Variants in RAD51B observed in about 807,000 individuals in gnomAD.
RAD51B encodes the protein DNA repair protein RAD51 homolog 2.
In RAD51B, 38 loss-of-function variants were observed where a neutral mutation model predicts 42.2. The ratio of observed to expected loss-of-function variants is 0.90; its 90% CI spans 0.70 to 1.18. RAD51B has a LOEUF of 1.18. Ranked by LOEUF, RAD51B falls within the 50% of genes most tolerant of loss-of-function variation. The pLI is 0.00. For missense variants in RAD51B, 373 were observed against 400.7 expected, an observed-to-expected ratio of 0.93 and a Z score of 0.59; for synonymous variants, 154 against 145.2, an observed-to-expected ratio of 1.06 and a Z score of -0.43.
At chr14:68,155,331 A>G (rs1299977740) in intron 7 of RAD51B, among the ~76,000 whole-genome samples, 1 of 151,830 alleles carries the variant, frequency 6.6e-6, no homozygotes, top group Admixed American at 6.6e-5. Flanking sequence ...AGCTGGGACT[A>G]CAGGTGCCCG....
intron 8 of RAD51B, among the ~76,000 whole-genome samples, chr14:68,389,640 A>T (rs1448036847): frequency 1.3e-5 from 2 of 152,224 alleles, no homozygotes; most frequent in African/African-American, 4.8e-5. Context: ...GATATATCAG[A>T]TCTACCAATG....
chr14:67,828,316 T>C (rs1304059475), intron 3 of RAD51B, among the ~76,000 whole-genome samples: 1 of 152,164 alleles, frequency 6.6e-6, no homozygotes, highest in Non-Finnish European at 1.5e-5. Context: ...TTCATGTTCT[T>C]AGCCCACTTT....
chr14:68,592,253 A>ATG (rs55833641), intron 10 of RAD51B, among the ~76,000 whole-genome samples: 8,119 of 139,822 alleles, frequency 0.058, 340 homozygotes, highest in African/African-American at 0.14. Context: ...GTAGGCAATG[A>ATG]TGTGTGTGTG....
At chr14:67,947,298 G>A (rs1157341825) in intron 7 of RAD51B, among the ~76,000 whole-genome samples, 2 of 152,164 alleles carry the variant, frequency 1.3e-5, no homozygotes, top group South Asian at 2.1e-4. Flanking sequence ...AGATTATTCC[G>A]GGGGTTAGGA....
At chr14:68,163,459 T>C (rs2078686212) in intron 7 of RAD51B, among the ~76,000 whole-genome samples, 1 of 152,216 alleles carries the variant, frequency 6.6e-6, no homozygotes, top group Non-Finnish European at 1.5e-5. Context: ...CCATCTCTCC[T>C]ATCCCCCGAT....
At chr14:68,114,442 C>T (rs1341532276) in intron 7 of RAD51B, among the ~76,000 whole-genome samples, 1 of 151,918 alleles carries the variant, frequency 6.6e-6, no homozygotes, top group East Asian at 1.9e-4. Flanking sequence ...GATTGTCTTT[C>T]AATTGAAGTT....
At chr14:68,214,027 G>A (rs1266006868) in intron 7 of RAD51B, among the ~76,000 whole-genome samples, 1 of 152,114 alleles carries the variant, frequency 6.6e-6, no homozygotes, top group African/African-American at 2.4e-5. Context: ...TAGAGAATGT[G>A]GCCTGATCTG....
intron 7 of RAD51B, among the ~76,000 whole-genome samples, chr14:67,992,613 A>G (rs76530311): frequency 7.0e-4 from 106 of 152,334 alleles, no homozygotes; most frequent in Non-Finnish European, 1.4e-3. Context: ...GTCTTTGACC[A>G]TAAATTGATA....
chr14:67,882,275 C>G lies in RAD51B; in HGVS notation c.453-3594C>G, dbSNP rs142821737. Among the ~76,000 whole-genome samples the G allele has an allele frequency of 6.3e-3, 960 of 152,218 alleles. 9 individuals are homozygous for G. Among genetic ancestry groups the G allele is most frequent in the African/African-American group, 0.022 (909 of 41,550 alleles). ...GGCATGAGCCACCATGCCCAGCCCA[C>G]TTGGCTTCTTGGAACTATTCTCTCT... On this transcript the variant is annotated intron_variant, in intron 5 of 10. Transcript: ENST00000471583.
At chr14:68,420,853 A>G (rs2084681145) in intron 9 of RAD51B, among the ~76,000 whole-genome samples, 1 of 152,220 alleles carries the variant, frequency 6.6e-6, no homozygotes, top group South Asian at 2.1e-4. Flanking sequence ...TTCAAGACAG[A>G]GTCACTCTGG....
At chr14:67,840,283 C>T (rs929656097) in intron 4 of RAD51B, among the ~76,000 whole-genome samples, 1 of 152,142 alleles carries the variant, frequency 6.6e-6, no homozygotes, top group Admixed American at 6.5e-5. Flanking sequence ...TCCCTGCTCC[C>T]TTCTTCCTCC....
chr14:68,269,306 A>G (rs2081056443), intron 7 of RAD51B, among the ~76,000 whole-genome samples: 3 of 152,208 alleles, frequency 2.0e-5, no homozygotes, highest in African/African-American at 4.8e-5. Flanking sequence ...TCTTGCAACC[A>G]AACCCAAGGC....
chr14:68,482,562 G>A (rs1286898768), downstream of RAD51B, among the ~76,000 whole-genome samples: 1 of 152,140 alleles, frequency 6.6e-6, no homozygotes, highest in African/African-American at 2.4e-5. Flanking sequence ...ACTGGTCTTG[G>A]AACCATTTGG....
chr14:68,590,639 A>G (rs1003236348), intron 10 of RAD51B, among the ~76,000 whole-genome samples: 1 of 152,178 alleles, frequency 6.6e-6, no homozygotes, highest in African/African-American at 2.4e-5. Context: ...TCTACCTGGA[A>G]TCTTAAATGT....
chr14:68,331,376 A>AC (rs2082347056), intron 8 of RAD51B, among the ~76,000 whole-genome samples: 1 of 147,354 alleles, frequency 6.8e-6, no homozygotes, highest in African/African-American at 2.5e-5. Flanking sequence ...TCAAAAAAAA[A>AC]AAAAAAAAAG....
chr14:68,341,185 A>G (rs542841995), intron 8 of RAD51B, among the ~76,000 whole-genome samples: 1 of 152,362 alleles, frequency 6.6e-6, no homozygotes, highest in South Asian at 2.1e-4. Context: ...GTAATGTGTA[A>G]TGCAAAAAAT....
rs1566876501 is a variant in RAD51B, at chr14:68,425,972, CTTT to C, written c.957+14446_957+14448del. On this transcript the variant is annotated intron_variant, in intron 9 of 10. Transcript: ENST00000471583. ...TCTTTCTTTCTTTCTTTCTTTCTTT[CTTT>C]CTTCCTTCCTTCCTTCCTTCCTTCC... Among the ~76,000 whole-genome samples, 135 of 121,032 alleles carry C rather than the reference CTTT, an allele frequency of 1.1e-3. 1 individual carries two copies. The East Asian group carries it at 0.023, about 21-fold the overall frequency. 79.4% of individuals were successfully genotyped at this position (121,032 alleles called of 152,430 possible).
chr14:68,652,253 G>A (rs1285516649), intron 11 of RAD51B, among the ~76,000 whole-genome samples: 2 of 152,184 alleles, frequency 1.3e-5, no homozygotes, highest in South Asian at 2.1e-4. Context: ...AGGCCACGCA[G>A]CCCCGATATT....
intron 10 of RAD51B, chr14:68,468,675 C>T (rs960266820): frequency 3.1e-6 from 1 of 326,166 alleles, no homozygotes; most frequent in East Asian, 7.8e-5. Flanking sequence ...GCCTCTGGGG[C>T]ACAATGTCAT....
Sources: gnomAD v4.1 joint callset for allele counts (sites outside exome capture counted in the v4.1 genomes callset) on GRCh38, gnomAD v4.1.1 for gene constraint, MANE v1.5 for transcripts, NCBI Gene and HGNC (gene_info 2026-07-23, HGNC 2026-07-21) for gene names.